LMX1A: variants seen among roughly 807,000 people sequenced by gnomAD.
LMX1A encodes LIM homeobox transcription factor 1 alpha, also known as LIM homeobox transcription factor 1-alpha.
In LMX1A, 15 loss-of-function variants were observed where a neutral mutation model predicts 49.1. That is an observed-to-expected ratio of 0.31 (90% CI 0.20 to 0.47). LMX1A has a LOEUF of 0.47. LMX1A is among the 20% of genes least tolerant of loss of function. The pLI, the probability that LMX1A is intolerant of heterozygous loss-of-function variation, is 1.00. For missense variants in LMX1A, 372 were observed against 475.8 expected (o/e 0.78, Z 2.03); for synonymous variants, 167 against 185.7 (o/e 0.90, Z 0.82).
At chr1:165,308,228 A>G (rs16842363) in intron 3 of LMX1A, among the ~76,000 whole-genome samples, 7,188 of 152,258 alleles carry the variant, frequency 0.047, 578 homozygotes, top group African/African-American at 0.17. Context: ...CTCGCTGGAC[A>G]CCAAGGAACC....
At chr1:165,234,463 T>C (rs1052849984) in intron 4 of LMX1A, among the ~76,000 whole-genome samples, 7 of 152,198 alleles carry the variant, frequency 4.6e-5, no homozygotes, top group South Asian at 2.1e-4. Flanking sequence ...TATTAATGTA[T>C]ATTTTATTTT....
intron 3 of LMX1A, among the ~76,000 whole-genome samples, chr1:165,343,863 A>C (rs1404683238): frequency 6.6e-6 from 1 of 152,210 alleles, no homozygotes; most frequent in Admixed American, 6.5e-5. Flanking sequence ...TTCTACCCTA[A>C]GATAGTCATT....
chr1:165,259,660 G>A (rs1653364457), intron 3 of LMX1A, among the ~76,000 whole-genome samples: 1 of 152,056 alleles, frequency 6.6e-6, no homozygotes, highest in African/African-American at 2.4e-5. Context: ...GGCCGATAAA[G>A]GGGCAATAAT....
At chr1:165,329,281 C>G (rs994118318) in intron 3 of LMX1A, among the ~76,000 whole-genome samples, 1 of 152,202 alleles carries the variant, frequency 6.6e-6, no homozygotes, top group Non-Finnish European at 1.5e-5. Flanking sequence ...GGTCACCTCC[C>G]ACCAGGTCTC....
chr1:165,295,267 G>GA (rs199896268), intron 3 of LMX1A, among the ~76,000 whole-genome samples: 53 of 149,700 alleles, frequency 3.5e-4, no homozygotes, highest in African/African-American at 9.3e-4. Context: ...CAGAAAAAAA[G>GA]AAAAAAAAAT....
At chr1:165,275,524 A>T (rs1653938206) in intron 3 of LMX1A, among the ~76,000 whole-genome samples, 1 of 152,012 alleles carries the variant, frequency 6.6e-6, no homozygotes, top group African/African-American at 2.4e-5. Context: ...ATATTCATAG[A>T]CCCTTCCTTC....
intron 3 of LMX1A, among the ~76,000 whole-genome samples, chr1:165,350,672 G>A (rs369887960): frequency 6.6e-6 from 1 of 152,046 alleles, no homozygotes; most frequent in Non-Finnish European, 1.5e-5. Flanking sequence ...ATATAATTGG[G>A]ATGGAGGATA....
chr1:165,226,767 T>C (rs1306518166), intron 4 of LMX1A, among the ~76,000 whole-genome samples: 1 of 152,208 alleles, frequency 6.6e-6, no homozygotes, highest in Non-Finnish European at 1.5e-5. Flanking sequence ...TCTGTAAGGT[T>C]GAATTTTATT....
intron 3 of LMX1A, among the ~76,000 whole-genome samples, chr1:165,319,455 T>C (rs1383326923): frequency 6.6e-6 from 1 of 152,150 alleles, no homozygotes; most frequent in Non-Finnish European, 1.5e-5. Flanking sequence ...ATATGCTTTA[T>C]GCTATAATCC....
At chr1:165,234,437 T>C (rs1652353374) in intron 4 of LMX1A, among the ~76,000 whole-genome samples, 1 of 152,222 alleles carries the variant, frequency 6.6e-6, no homozygotes, top group Non-Finnish European at 1.5e-5. Flanking sequence ...CATAGCACTT[T>C]ATATCTCTAC....
intron 3 of LMX1A, among the ~76,000 whole-genome samples, chr1:165,345,803 A>T (rs1656226051): frequency 6.6e-6 from 1 of 152,140 alleles, no homozygotes; most frequent in South Asian, 2.1e-4. Flanking sequence ...CTAAGGTGGG[A>T]GGATCGCTTT....
intron 3 of LMX1A, among the ~76,000 whole-genome samples, chr1:165,336,951 A>G (rs1655915493): frequency 6.6e-6 from 1 of 152,222 alleles, no homozygotes. Context: ...AAATTATGGG[A>G]AGATGGGGAG....
At chr1:165,270,053 A>T (rs1274101691) in intron 3 of LMX1A, among the ~76,000 whole-genome samples, 1 of 152,168 alleles carries the variant, frequency 6.6e-6, no homozygotes, top group Non-Finnish European at 1.5e-5. Flanking sequence ...CTTAAAAAAA[A>T]TATATTAAAA....
At chr1:165,346,005 A>C (rs1217696193) in intron 3 of LMX1A, among the ~76,000 whole-genome samples, 2 of 152,252 alleles carry the variant, frequency 1.3e-5, no homozygotes, top group East Asian at 3.8e-4. Context: ...AGTTAATAAA[A>C]TTCTACAGGG....
intron 3 of LMX1A, 139 bp downstream of exon 3, chr1:165,352,936 CG>C (rs1656476167): frequency 1.1e-6 from 1 of 905,500 alleles, no homozygotes; most frequent in African/African-American, 1.6e-5. Flanking sequence ...GCAATGTACA[CG>C]ACTGCGCTGA....
intron 4 of LMX1A, among the ~76,000 whole-genome samples, chr1:165,229,049 G>A (rs569371629): frequency 6.6e-6 from 1 of 152,128 alleles, no homozygotes; most frequent in East Asian, 1.9e-4. Context: ...TGTTCTGAAA[G>A]TGATCTATCA....
intron 3 of LMX1A, among the ~76,000 whole-genome samples, chr1:165,337,441 T>C (rs1655929515): frequency 6.6e-6 from 1 of 152,138 alleles, no homozygotes; most frequent in Non-Finnish European, 1.5e-5. Flanking sequence ...AAATAGTAGA[T>C]CCTATACCAA....
At chr1:165,251,379 G>T (rs755286893) in intron 3 of LMX1A, among the ~76,000 whole-genome samples, 5 of 152,172 alleles carry the variant, frequency 3.3e-5, no homozygotes, top group Non-Finnish European at 7.4e-5. Context: ...CACTGCTCCA[G>T]GCTTGAATGG....
At chr1:165,275,357 A>C (rs1272024999) in intron 3 of LMX1A, among the ~76,000 whole-genome samples, 1 of 152,254 alleles carries the variant, frequency 6.6e-6, no homozygotes, top group African/African-American at 2.4e-5. Context: ...AACACTCCCC[A>C]ATAAGCAGCA....
Sources: allele counts gnomAD v4.1 joint callset (sites outside exome capture counted in the v4.1 genomes callset), GRCh38; gene constraint gnomAD v4.1.1; transcripts MANE v1.5; gene names NCBI Gene and HGNC (gene_info 2026-07-23, HGNC 2026-07-21).